KIF26B: variants seen among roughly 807,000 people sequenced by gnomAD.
KIF26B encodes kinesin family member 26B, also known as kinesin-like protein KIF26B.
Under a neutral mutation model 151.2 loss-of-function variants are expected in KIF26B, and 63 were observed. That is an observed-to-expected ratio of 0.42 (90% CI 0.34 to 0.51). The LOEUF (loss-of-function observed/expected upper bound fraction) is 0.51, where lower values mean the gene tolerates loss of function less well. KIF26B is among the 20% of genes least tolerant of loss of function. The probability of loss-of-function intolerance (pLI) is 0.07; values close to 1 mark genes in which losing one functional copy is unlikely to be tolerated. For synonymous variants in KIF26B, 1,357 were observed against 1,262.1 expected, an observed-to-expected ratio of 1.08 and a Z score of -1.59; for missense variants, 2,813 against 2,913.6, an observed-to-expected ratio of 0.97 and a Z score of 0.79.
At chr1:245,582,005 T>A (rs1170954955) in intron 5 of KIF26B, among the ~76,000 whole-genome samples, 1 of 151,324 alleles carries the variant, frequency 6.6e-6, no homozygotes, top group Non-Finnish European at 1.5e-5. Context: ...ATTCTCCAAG[T>A]GAACAGTGTG....
intron 2 of KIF26B, among the ~76,000 whole-genome samples, chr1:245,292,688 T>A (rs1671275020): frequency 6.6e-6 from 1 of 152,242 alleles, no homozygotes; most frequent in Non-Finnish European, 1.5e-5. Flanking sequence ...CGGGAGCATC[T>A]TCAGGCAGCA....
chr1:245,552,119 C>G (rs1346495204), intron 5 of KIF26B, among the ~76,000 whole-genome samples: 2 of 85,626 alleles, frequency 2.3e-5, no homozygotes, highest in Non-Finnish European at 2.6e-5. Context: ...ACAGAACCAG[C>G]AGGGTGTGTG....
intron 9 of KIF26B, among the ~76,000 whole-genome samples, chr1:245,627,509 C>T (rs1042531632): frequency 1.3e-5 from 2 of 152,106 alleles, no homozygotes; most frequent in Admixed American, 1.3e-4. Context: ...ATTTATAGCA[C>T]TAAACGCCCA....
chr1:245,184,050 G>GTGTTTTTTTTTTTTTTTTTTT (rs1668954019), intron 2 of KIF26B, among the ~76,000 whole-genome samples: 1 of 19,804 alleles, frequency 5.0e-5, no homozygotes, highest in Non-Finnish European at 9.9e-5. Flanking sequence ...GGGAGTTGTT[G>GTGTTTTTTTTTTTTTTTTTTT]TTTTTTTTTT....
intron 4 of KIF26B, among the ~76,000 whole-genome samples, chr1:245,532,254 T>TC (rs908008413): frequency 6.8e-5 from 10 of 147,200 alleles, no homozygotes; most frequent in Non-Finnish European, 1.5e-4. Context: ...TTTTCTTTTT[T>TC]TTTTTTTTTG....
chr1:245,202,321 C>T (rs758809185), intron 2 of KIF26B, among the ~76,000 whole-genome samples: 2 of 152,208 alleles, frequency 1.3e-5, no homozygotes, highest in African/African-American at 2.4e-5. Context: ...AATTCTTTTA[C>T]GCTGGCATAC....
Position 245,702,124 on chromosome 1 carries a change from ATT to A in KIF26B, c.6179-333_6179-332del, listed in dbSNP as rs2044780444. ...TCAACTTGAATTATTTACTTGATTG[ATT>A]GATAGTGAATAGTGTGGTAGCGTCT... On this transcript the variant is annotated intron_variant, in intron 14 of 14. Transcript: ENST00000407071. This position sits in a 1 kb window ranked among gnomAD's most constrained non-coding sequence, Gnocchi z 4.1. Among the ~76,000 whole-genome samples, 2 of 22,732 alleles carry A rather than the reference ATT, an allele frequency of 8.8e-5. No homozygotes were observed. Among genetic ancestry groups the A allele is most frequent in the Non-Finnish European group, 1.3e-4 (2 of 15,190 alleles). The allele number at this position is 22,732 out of a possible 152,430, so 14.9% of individuals were successfully genotyped here. A position where few individuals can be genotyped will look rare whatever the true frequency, so the allele number is the denominator to read the frequency against.
rs1041583230 is a variant in KIF26B, at chr1:245,572,033, C to T, written c.1351-30544C>T. ...GGGGATTCTGTTAGAACAATATCCT[C>T]AGGGAATAGCTTTTATCTGCTAAGT... is the stretch of plus-strand genomic sequence containing the variant. On this transcript the variant is annotated intron_variant, in intron 5 of 14. Coordinates refer to ENST00000407071, the MANE Select transcript of KIF26B (RefSeq NM_018012.4). This position sits in a 1 kb window ranked among gnomAD's most constrained non-coding sequence, Gnocchi z 4.2. Among the ~76,000 whole-genome samples, 1 of 152,156 alleles carries T rather than the reference C, an allele frequency of 6.6e-6. No homozygotes were observed. The highest frequency in any genetic ancestry group is 6.5e-5 in the Admixed American group (1 of 15,268).
intron 2 of KIF26B, among the ~76,000 whole-genome samples, chr1:245,262,941 T>C (rs915472403): frequency 1.3e-5 from 2 of 152,204 alleles, no homozygotes; most frequent in Non-Finnish European, 2.9e-5. Context: ...CCCCATTAGT[T>C]CATATGTGTG....
At chr1:245,228,576 A>C (rs1484829541) in intron 2 of KIF26B, among the ~76,000 whole-genome samples, 3 of 152,230 alleles carry the variant, frequency 2.0e-5, no homozygotes. Flanking sequence ...TCAAAAAAAA[A>C]AAAACAAAAG....
intron 2 of KIF26B, among the ~76,000 whole-genome samples, chr1:245,199,305 C>T (rs920824727): frequency 5.9e-5 from 9 of 152,064 alleles, no homozygotes; most frequent in African/African-American, 1.9e-4. Context: ...TATATACTCC[C>T]CTCCCTCCTC....
intron 2 of KIF26B, chr1:245,353,716 C>G (rs1672620150): frequency 6.5e-6 from 1 of 152,854 alleles, no homozygotes; most frequent in Admixed American, 6.5e-5. Flanking sequence ...CCCTCCCCAC[C>G]ACCATCCTGC....
At chr1:245,598,703 C>G (rs1715795) in intron 5 of KIF26B, among the ~76,000 whole-genome samples, 2 of 152,028 alleles carry the variant, frequency 1.3e-5, no homozygotes, top group Non-Finnish European at 1.5e-5. Context: ...TCTCCCTCAG[C>G]CCCATGATGC....
At position 245,358,518 on chromosome 1, in the gene KIF26B, TCAAAACAAAA is replaced by T. The variant is rs201196844; in HGVS notation, c.466-8298_466-8289del. The stretch of plus-strand genomic sequence containing the variant: ...CTGGGCTACAGAGTGAGACTCCGTC[TCAAAACAAAA>T]CAAAACAAAACAAAACAGCCAAGTA... On this transcript the variant is annotated intron_variant, in intron 2 of 14. Transcript: ENST00000407071. The surrounding 1 kb of genome is among the most constrained non-coding windows in gnomAD (Gnocchi z 4.1). Among the ~76,000 whole-genome samples the T allele has an allele frequency of 0.016, 2,429 of 152,168 alleles. 43 individuals are homozygous for T. Among genetic ancestry groups the T allele is most frequent in the East Asian group, 0.043 (221 of 5,176 alleles).
Position 245,686,225 on chromosome 1 carries a change from C to T in KIF26B, c.3242C>T (p.Pro1081Leu), listed in dbSNP as rs2044515890. 5.6e-6 allele frequency: 9 copies of T among 1,612,738 alleles called. No homozygotes were observed. The highest frequency in any genetic ancestry group is 7.6e-6 in the Non-Finnish European group (9 of 1,179,904). ...CTGTCCAAGACCTCGGAGTACAAGC[C>T]ACCCAGCTCTCCTTCCCAGAGATGC... ...ASLSKTSEYK[P>L]PSSPSQRCKV... is the part of the protein sequence containing the mutation. The change falls in exon 12 of 15, where the codon CCA becomes CTA. Residue 1081 changes from proline to leucine, a missense_variant. By Grantham distance (98) the Pro-to-Leu change is moderately conservative. This residue lies in a region of KIF26B where 2,060 missense variants were observed against 2,088.6 expected (regional missense o/e 0.99). Transcript: ENST00000407071. The surrounding 1 kb of genome is among the most constrained non-coding windows in gnomAD (Gnocchi z 5.6).
intron 9 of KIF26B, among the ~76,000 whole-genome samples, chr1:245,620,380 C>T (rs2043644683): frequency 6.6e-6 from 1 of 151,282 alleles, no homozygotes; most frequent in Non-Finnish European, 1.5e-5. Flanking sequence ...TCCTCATTCA[C>T]ACAAAATTCA....
intron 4 of KIF26B, among the ~76,000 whole-genome samples, chr1:245,538,763 T>G (rs777618090): frequency 2.0e-5 from 3 of 152,174 alleles, no homozygotes; most frequent in Non-Finnish European, 4.4e-5. Flanking sequence ...GGCAGATCAC[T>G]GTCTTCCTTC....
intron 4 of KIF26B, among the ~76,000 whole-genome samples, chr1:245,536,110 G>A (rs1661483373): frequency 6.6e-6 from 1 of 152,096 alleles, no homozygotes; most frequent in Non-Finnish European, 1.5e-5. Context: ...TTCAAACTAA[G>A]TCAGAAAGGC....
intron 9 of KIF26B, among the ~76,000 whole-genome samples, chr1:245,633,648 A>AT (rs1403579833): frequency 6.8e-6 from 1 of 146,790 alleles, no homozygotes; most frequent in Non-Finnish European, 1.5e-5. Context: ...AATTCCCTCC[A>AT]TTTTTTCTTG....
Sources: gnomAD v4.1 joint callset for allele counts (sites outside exome capture counted in the v4.1 genomes callset) on GRCh38, gnomAD v4.1.1 for gene constraint, gnomAD v4.1.1 regional missense constraint, Gnocchi (gnomAD v3.1) non-coding constraint, MANE v1.5 for transcripts, NCBI Gene and HGNC (gene_info 2026-07-23, HGNC 2026-07-21) for gene names.